ING4: variants seen among roughly 807,000 people sequenced by gnomAD.
The protein encoded by ING4 is inhibitor of growth protein 4.
Under a neutral mutation model 33.1 loss-of-function variants are expected in ING4, and 28 were observed. The observed-to-expected ratio is 0.85, with a 90% CI of 0.63 to 1.16. The LOEUF (loss-of-function observed/expected upper bound fraction) is 1.16, where lower values mean the gene tolerates loss of function less well. Ranked by LOEUF, ING4 falls within the 50% of genes most tolerant of loss-of-function variation. The pLI, the probability that ING4 is intolerant of heterozygous loss-of-function variation, is 0.00. For missense variants in ING4, 247 were observed against 314.7 expected (o/e 0.78, Z 1.63); for synonymous variants, 87 against 104.4 (o/e 0.83, Z 1.02).
chr12:6,651,493 G>T, intron 6 of ING4, 108 bp from the exon 7 acceptor site: 1 of 931,060 alleles, frequency 1.1e-6, no homozygotes, highest in Non-Finnish European at 1.7e-6. Flanking sequence ...CATCCTTTTG[G>T]AGAATTCTTG....
chr12:6,650,426 C>G lies in ING4; in HGVS notation c.*769G>C, dbSNP rs1409510994. 6.6e-6 allele frequency: 1 copy of G among 152,400 alleles called. No homozygotes were observed. Among genetic ancestry groups the G allele is most frequent in the East Asian group, 1.9e-4 (1 of 5,192 alleles). 9.4% of individuals were successfully genotyped at this position (152,400 alleles called of 1,614,324 possible). On this transcript the variant is annotated 3_prime_UTR_variant, in exon 8 of 8. Transcript: ENST00000341550. ...CTACCCTCCAGCACCTCTGTCTTTC[C>G]CAAGTTGAGAACTTACAAGTTCTCG...
intron 6 of ING4, 130 bp from the exon 7 acceptor site, chr12:6,651,515 G>A: frequency 1.4e-6 from 1 of 727,342 alleles, no homozygotes; most frequent in Non-Finnish European, 2.4e-6. Flanking sequence ...AAGTCCCAAG[G>A]CCAACCAGTT....
At chr12:6,657,168 G>A (rs1478742864) in intron 1 of ING4, among the ~76,000 whole-genome samples, 2 of 150,000 alleles carry the variant, frequency 1.3e-5, no homozygotes, top group East Asian at 4.0e-4. Context: ...ACAAACAAAT[G>A]GCCAGGCATG....
chr12:6,654,260 CAATTTAA>C (rs1251242498), intron 2 of ING4, among the ~76,000 whole-genome samples: 1 of 151,838 alleles, frequency 6.6e-6, no homozygotes, highest in Non-Finnish European at 1.5e-5. Context: ...GTATATCACA[CAATTTAA>C]AATTAGACCT....
At chr12:6,663,003 C>A in intron 1 of ING4, 62 bp downstream of exon 1, 2 of 1,544,182 alleles carry the variant, frequency 1.3e-6, no homozygotes, top group South Asian at 2.3e-5. Context: ...GCTACAGATC[C>A]TCTCATCCCT....
chr12:6,662,927 C>T (rs1172570071), intron 1 of ING4, 138 bp downstream of exon 1: 3 of 916,298 alleles, frequency 3.3e-6, no homozygotes, highest in African/African-American at 1.7e-5. Flanking sequence ...TTTCTCCGCA[C>T]CCTCCAATAT....
At position 6,652,975 on chromosome 12, in the gene ING4, A is replaced by T; in HGVS notation, c.352T>A (p.Ser118Thr). 6.2e-7 allele frequency: 1 copy of T among 1,613,184 alleles called. No individual in the cohort carries two copies. The highest frequency in any genetic ancestry group is 8.5e-7 in the Non-Finnish European group (1 of 1,179,876). Residue 118 changes from serine (S) to threonine (T), a missense_variant, in exon 4 of 8, where the codon TCA becomes ACA. This residue lies in a region of ING4 where 198 missense variants were observed against 221.2 expected (regional missense o/e 0.89). Coordinates refer to ENST00000341550, the MANE Select transcript of ING4 (RefSeq NM_016162.4). ...EADLKEKQIE[S>T]SDYDSSSSKG... is the part of the protein sequence containing the mutation. Reference sequence around the variant, plus strand: ...CTGGAAGAGCTGTCATAGTCACTTGACTCAATCTGTTTCTCCTTGAGATCA... The same window carrying T: ...CTGGAAGAGCTGTCATAGTCACTTGTCTCAATCTGTTTCTCCTTGAGATCA...
Position 6,653,062 on chromosome 12 carries a change from G to A in ING4, c.277-12C>T. The A allele has an allele frequency of 1.2e-6, 2 of 1,612,160 alleles. No homozygotes were observed. The highest frequency in any genetic ancestry group is 1.7e-6 in the Non-Finnish European group (2 of 1,178,288). On this transcript the variant is annotated splice_polypyrimidine_tract_variant and intron_variant, in intron 3 of 7. Coordinates refer to ENST00000341550, the MANE Select transcript of ING4 (RefSeq NM_016162.4). ...ATGTGTTTGTCCACCTGGGTGGAAA[G>A]GAAGGAGAAAGGAGAGGTACAAAAC...
rs557575235 is a variant in ING4, at chr12:6,661,445, T to C, written c.37+1620A>G. On this transcript the variant is annotated intron_variant, in intron 1 of 7. Transcript: ENST00000341550. ...TTTTTTTTTTGAGAGGGACACGGAG[T>C]CTTTCTCTGTCACCCAGGCTGGAGT... Among the ~76,000 whole-genome samples the C allele has an allele frequency of 9.3e-5, 12 of 129,346 alleles. No homozygotes were observed. In the East Asian group the frequency reaches 2.3e-3, roughly 25 times the overall value. 84.9% of individuals were successfully genotyped at this position (129,346 alleles called of 152,430 possible).
intron 1 of ING4, among the ~76,000 whole-genome samples, chr12:6,661,310 C>A (rs1417524282): frequency 6.6e-6 from 1 of 151,698 alleles, no homozygotes; most frequent in African/African-American, 2.4e-5. Flanking sequence ...GTTAGCCAGG[C>A]TGGTCTCGAT....
At chr12:6,654,233 G>A (rs751506832) in intron 2 of ING4, among the ~76,000 whole-genome samples, 1 of 151,854 alleles carries the variant, frequency 6.6e-6, no homozygotes, top group Non-Finnish European at 1.5e-5. Context: ...CTATCTTTTC[G>A]CCTCCTGAGT....
chr12:6,654,172 C>A (rs557317329), intron 2 of ING4, among the ~76,000 whole-genome samples: 1 of 152,164 alleles, frequency 6.6e-6, no homozygotes, highest in Admixed American at 6.6e-5. Flanking sequence ...CGCAGGTTCT[C>A]TCTTATGTTT....
At chr12:6,662,924 G>T in intron 1 of ING4, 141 bp downstream of exon 1, 5 of 868,090 alleles carry the variant, frequency 5.8e-6, no homozygotes, top group Admixed American at 2.6e-5. Flanking sequence ...CTCTTTCTCC[G>T]CACCCTCCAA....
chr12:6,654,321 C>T (rs1444948462), intron 2 of ING4, among the ~76,000 whole-genome samples: 1 of 151,420 alleles, frequency 6.6e-6, no homozygotes, highest in Non-Finnish European at 1.5e-5. Flanking sequence ...TTACTGCTCA[C>T]TCTATTTTTC....
intron 1 of ING4, among the ~76,000 whole-genome samples, chr12:6,659,663 A>T (rs1006633426): frequency 6.6e-6 from 1 of 151,864 alleles, no homozygotes; most frequent in Non-Finnish European, 1.5e-5. Flanking sequence ...ATACAAAAAA[A>T]TTAGCTGGCC....
chr12:6,656,763 A>C lies in ING4; in HGVS notation c.73T>G (p.Phe25Val), dbSNP rs772623309. Residue 25 changes from phenylalanine to valine, a missense_variant, in exon 2 of 8, where the codon TTT (phenylalanine) becomes GTT (valine). Phe to Val is a conservative substitution (Grantham distance 50). This residue lies in a region of ING4 where 198 missense variants were observed against 221.2 expected (regional missense o/e 0.89). Transcript: ENST00000341550. ...TGGTCTAGGTCCCTCATGAGCTGAA[A>C]GTTTCTCTGTAATTCAAAGGGAAGG... ...ENLPFELQRNFQLMRDLDQRT... is the reference protein window; with the variant it reads ...ENLPFELQRNVQLMRDLDQRT... 1 of 1,576,610 alleles carries C rather than the reference A, an allele frequency of 6.3e-7. No individual in the cohort carries two copies. The highest frequency in any genetic ancestry group is 2.0e-5 in the Admixed American group (1 of 50,032).
intron 1 of ING4, among the ~76,000 whole-genome samples, chr12:6,662,341 T>G (rs993709336): frequency 2.6e-5 from 4 of 152,172 alleles, no homozygotes; most frequent in Non-Finnish European, 5.9e-5. Context: ...GTTTTATAAT[T>G]ATTTGCAGAA....
At position 6,650,378 on chromosome 12, in the gene ING4, T is replaced by C. The variant is rs1219918867; in HGVS notation, c.*817A>G. On this transcript the variant is annotated 3_prime_UTR_variant, in exon 8 of 8. Coordinates refer to ENST00000341550, the MANE Select transcript of ING4 (RefSeq NM_016162.4). ...GAAAAGATGCATGATTTACAAAGTT[T>C]TGGAGACCCCCTGGTCTGAGGCCTA... The C allele has an allele frequency of 6.6e-6, 1 of 152,348 alleles. No individual in the cohort carries two copies. Among genetic ancestry groups the C allele is most frequent in the Non-Finnish European group, 1.5e-5 (1 of 68,070 alleles). The allele number at this position is 152,348 out of a possible 1,614,324, so 9.4% of individuals were successfully genotyped here.
At position 6,651,403 on chromosome 12, in the gene ING4, AAGT is replaced by A; in HGVS notation, c.646-21_646-19del. 1.9e-6 allele frequency: 3 copies of A among 1,612,324 alleles called. No homozygotes were observed. Among genetic ancestry groups the A allele is most frequent in the Non-Finnish European group, 2.5e-6 (3 of 1,178,392 alleles). ...ATGGAACACTGGAAGAGGAAGAAAG[AAGT>A]AGTCAGGGGCCAGGAAGGGCCAGAG... On this transcript the variant is annotated intron_variant, in intron 6 of 7. Transcript: ENST00000341550.
Sources: gnomAD v4.1 joint callset for allele counts (sites outside exome capture counted in the v4.1 genomes callset) on GRCh38, gnomAD v4.1.1 for gene constraint, gnomAD v4.1.1 regional missense constraint, MANE v1.5 for transcripts, NCBI Gene and HGNC (gene_info 2026-07-23, HGNC 2026-07-21) for gene names.